TLE4: variants seen among roughly 807,000 people sequenced by gnomAD.
The protein encoded by TLE4 is TLE family member 4, transcriptional corepressor.
TLE4 carries 8 observed loss-of-function variants against 92.8 expected under a neutral mutation model. The ratio of observed to expected loss-of-function variants is 0.09; its 90% CI spans 0.05 to 0.16. TLE4 has a LOEUF of 0.16. Among genes scored for constraint, TLE4 ranks in the 10% least tolerant of loss-of-function variants. TLE4 has a pLI of 1.00. For synonymous variants in TLE4, 371 were observed against 374.1 expected (o/e 0.99, Z 0.10); for missense variants, 675 against 997.6 (o/e 0.68, Z 4.36).
rs1298471966 is a variant in TLE4 at position 79,652,647 on chromosome 9, A to G, written c.445A>G (p.Thr149Ala). 1.2e-6 allele frequency: 2 copies of G among 1,613,796 alleles called. No homozygotes were observed. The highest frequency in any genetic ancestry group is 1.7e-6 in the Non-Finnish European group (2 of 1,179,938). Reference sequence around the variant, plus strand: ...TGGACATGGTCTCCCCGTACCTCTGACTCCACACCCTTCAGGGCTCCAGCC... The same window carrying G: ...TGGACATGGTCTCCCCGTACCTCTGGCTCCACACCCTTCAGGGCTCCAGCC... Reference protein sequence around the residue: ...SHGHGLPVPLTPHPSGLQPPA... With the variant: ...SHGHGLPVPLAPHPSGLQPPA... The change falls in exon 7 of 20, where the codon ACT becomes GCT. Residue 149 changes from threonine (T) to alanine (A), a missense_variant. Coordinates refer to ENST00000376552, the MANE Select transcript of TLE4 (RefSeq NM_007005.6).
intron 8 of TLE4, among the ~76,000 whole-genome samples, chr9:79,660,608 TACAGTTATCAAGGA>T (rs1381859616): frequency 6.6e-6 from 1 of 152,256 alleles, no homozygotes; most frequent in Admixed American, 6.5e-5. Context: ...TTTTACTATT[TACAGTTATCAAGGA>T]ACAGTTAAGA....
intron 8 of TLE4, among the ~76,000 whole-genome samples, chr9:79,703,934 CT>C (rs538883847): frequency 7.3e-5 from 11 of 151,202 alleles, no homozygotes; most frequent in African/African-American, 1.7e-4. Flanking sequence ...ACTTTCCCCC[CT>C]TTTTTTTTCA....
At chr9:79,590,461 T>C (rs1250730718) in intron 4 of TLE4, among the ~76,000 whole-genome samples, 1 of 152,140 alleles carries the variant, frequency 6.6e-6, no homozygotes, top group Non-Finnish European at 1.5e-5. Context: ...TTTCTCCTTA[T>C]ATTTCAGAGG....
chr9:79,671,615 T>C (rs1434517758), intron 8 of TLE4: 2 of 203,842 alleles, frequency 9.8e-6, no homozygotes, highest in Non-Finnish European at 2.1e-5. Context: ...GTCAATAAGG[T>C]TGGCTGTTTG....
chr9:79,573,803 T>C lies in TLE4; in HGVS notation c.143+17T>C, dbSNP rs531527326. 3.3e-5 allele frequency: 50 copies of C among 1,529,340 alleles called. 1 individual carries two copies. The South Asian group carries it at 4.7e-4, about 14-fold the overall frequency. The allele number at this position is 1,529,340 out of a possible 1,614,324, so 94.7% of individuals were successfully genotyped here. A position where few individuals can be genotyped will look rare whatever the true frequency, so the allele number is the denominator to read the frequency against. ...ATACCACAGGTAACGATATTGACTT[T>C]AGCTGATCCTTCTGTTTGCTTAGCT... On this transcript the variant is annotated intron_variant, in intron 2 of 19. Coordinates refer to ENST00000376552, the MANE Select transcript of TLE4 (RefSeq NM_007005.6).
At chr9:79,627,175 C>G (rs1335043210) in intron 5 of TLE4, among the ~76,000 whole-genome samples, 199 bp from the exon 6 acceptor site, 8 of 151,932 alleles carry the variant, frequency 5.3e-5, no homozygotes, top group African/African-American at 1.5e-4. Context: ...AGTTGGATGC[C>G]CAGTGACTCC....
intron 8 of TLE4, among the ~76,000 whole-genome samples, chr9:79,694,385 G>C (rs2067748622): frequency 6.6e-6 from 1 of 152,142 alleles, no homozygotes; most frequent in African/African-American, 2.4e-5. Flanking sequence ...CTCTTGTCTG[G>C]TTAGACCAGA....
intron 6 of TLE4, among the ~76,000 whole-genome samples, chr9:79,628,307 A>G (rs900269354): frequency 6.6e-6 from 1 of 152,122 alleles, no homozygotes; most frequent in African/African-American, 2.4e-5. Flanking sequence ...GATTATACAC[A>G]AAAGTCTTTT....
At chr9:79,691,187 T>G (rs1235501763) in intron 8 of TLE4, among the ~76,000 whole-genome samples, 1 of 152,020 alleles carries the variant, frequency 6.6e-6, no homozygotes, top group African/African-American at 2.4e-5. Context: ...GGCCCCCCAT[T>G]TCTCCTCCAA....
At chr9:79,666,554 AAC>A (rs1184985819) in intron 8 of TLE4, among the ~76,000 whole-genome samples, 3 of 152,242 alleles carry the variant, frequency 2.0e-5, no homozygotes, top group South Asian at 2.1e-4. Flanking sequence ...ATCTATTTTT[AAC>A]AGTTTCTTAA....
rs180798029 is a variant in TLE4 at position 79,723,932 on chromosome 9, A to T, written c.2214+897A>T. Among the ~76,000 whole-genome samples the T allele has an allele frequency of 2.6e-3, 402 of 152,320 alleles. 1 individual carries two copies. The highest frequency in any genetic ancestry group is 9.2e-3 in the African/African-American group (384 of 41,584). On this transcript the variant is annotated intron_variant, in intron 19 of 19. Transcript: ENST00000376552. ...TACATTTTTTATAGTAAGCATAAGT[A>T]CTATGTCTTTAAGTGTTTAAAGTAT...
intron 1 of TLE4, chr9:79,573,260 GCGGGCGAA>G (rs2036429734): frequency 9.8e-7 from 1 of 1,019,886 alleles, no homozygotes; most frequent in African/African-American, 1.7e-5. Context: ...GCCGGGGCGA[GCGGGCGAA>G]CGAACGAGCC....
At chr9:79,671,048 T>C (rs926002756) in intron 8 of TLE4, among the ~76,000 whole-genome samples, 1 of 108,132 alleles carries the variant, frequency 9.2e-6, no homozygotes, top group East Asian at 3.5e-4. Flanking sequence ...TTATTGAGAT[T>C]AAATTTTGCC....
chr9:79,704,306 G>T (rs2135874640), intron 8 of TLE4, among the ~76,000 whole-genome samples: 1 of 152,086 alleles, frequency 6.6e-6, no homozygotes, highest in Middle Eastern at 3.4e-3. Flanking sequence ...GTGGAGATGG[G>T]GTTTCACCAT....
At chr9:79,573,574 T>A (rs894547639) in intron 1 of TLE4, 115 bp from the exon 2 acceptor site, 6 of 921,596 alleles carry the variant, frequency 6.5e-6, no homozygotes, top group Non-Finnish European at 6.3e-6. Flanking sequence ...TAATCTCTCT[T>A]TGCTTGCGTG....
intron 6 of TLE4, among the ~76,000 whole-genome samples, chr9:79,650,727 T>G (rs1398664782): frequency 5.3e-5 from 8 of 152,068 alleles, no homozygotes; most frequent in Non-Finnish European, 7.4e-5. Flanking sequence ...TGGGTGGGGC[T>G]TGGTTGGTGG....
At chr9:79,578,183 C>T (rs2038516667) in intron 4 of TLE4, among the ~76,000 whole-genome samples, 1 of 152,126 alleles carries the variant, frequency 6.6e-6, no homozygotes, top group African/African-American at 2.4e-5. Context: ...TCCAGATGTA[C>T]TCGCTGGATA....
intron 4 of TLE4, among the ~76,000 whole-genome samples, chr9:79,610,074 C>CT (rs1159669171): frequency 1.3e-5 from 2 of 151,984 alleles, no homozygotes. Flanking sequence ...CTGAAAAATA[C>CT]TTCTTTGATG....
intron 8 of TLE4, among the ~76,000 whole-genome samples, chr9:79,696,949 A>G (rs536509070): frequency 2.0e-5 from 3 of 152,322 alleles, no homozygotes; most frequent in South Asian, 2.1e-4. Context: ...AGGGCAGTCA[A>G]ACTCATGTAC....
Sources: gnomAD v4.1 joint callset for allele counts (sites outside exome capture counted in the v4.1 genomes callset) on GRCh38, gnomAD v4.1.1 for gene constraint, MANE v1.5 for transcripts, NCBI Gene and HGNC (gene_info 2026-07-23, HGNC 2026-07-21) for gene names.